ROS1: variants seen among roughly 807,000 people sequenced by gnomAD.
ROS1 encodes the protein proto-oncogene tyrosine-protein kinase ROS.
Under a neutral mutation model 273.5 loss-of-function variants are expected in ROS1, and 263 were observed. The observed-to-expected ratio is 0.96, with a 90% CI of 0.87 to 1.06. The LOEUF (loss-of-function observed/expected upper bound fraction) is 1.06, where lower values mean the gene tolerates loss of function less well. ROS1 is among the 50% of genes least tolerant of loss of function. The pLI, the probability that ROS1 is intolerant of heterozygous loss-of-function variation, is 0.00. For missense variants in ROS1, 2,833 were observed against 2,751.1 expected, an observed-to-expected ratio of 1.03 and a Z score of -0.67; for synonymous variants, 1,008 against 954.1, an observed-to-expected ratio of 1.06 and a Z score of -1.04.
At chr6:117,396,334 G>C in intron 8 of ROS1, 70 bp from the exon 9 acceptor site, 1 of 1,071,390 alleles carries the variant, frequency 9.3e-7, no homozygotes, top group Non-Finnish European at 1.4e-6. Context: ...AAAATAGAAG[G>C]AGCAATAACA....
At position 117,366,138 on chromosome 6, in the gene ROS1, A is replaced by C; in HGVS notation, c.2735T>G (p.Val912Gly). The change falls in exon 19 of 44, where the codon GTT becomes GGT. Residue 912 changes from valine (V) to glycine (G), a missense_variant. Physicochemically the swap from Val to Gly is moderately radical, Grantham distance 109 (BLOSUM62 -3). Coordinates refer to ENST00000368507, the MANE Select transcript of ROS1 (RefSeq NM_001378902.1). ...QEIGQKTSVSVLEPARFNQFT... is the reference protein window; with the variant it reads ...QEIGQKTSVSGLEPARFNQFT... ...CTGATTAAATCTGGCTGGTTCCAAA[A>C]CAGAGACACTGGTTTTCTGACCTAT... The C allele has an allele frequency of 1.2e-6, 2 of 1,614,154 alleles. No individual in the cohort carries two copies. The highest frequency in any genetic ancestry group is 1.7e-6 in the Non-Finnish European group (2 of 1,179,998).
At chr6:117,301,227 C>T in intron 42 of ROS1, 90 bp from the exon 43 acceptor site, 3 of 1,124,584 alleles carry the variant, frequency 2.7e-6, no homozygotes, top group Non-Finnish European at 3.8e-6. Context: ...AGGAAAGAAT[C>T]TGAGTTATTG....
At position 117,329,518 on chromosome 6, in the gene ROS1, A is replaced by G. The variant is rs563966411; in HGVS notation, c.5231-72T>C. On this transcript the variant is annotated intron_variant, in intron 32 of 43. Transcript: ENST00000368507. ...ATCTTCTGCACTGAAATCTTTCTAC[A>G]GAATATATTAAGAGGAAAGACAACA... The G allele has an allele frequency of 7.9e-6, 6 of 763,008 alleles. No homozygotes were observed. The South Asian group carries it at 1.0e-4, about 13-fold the overall frequency. 47.3% of individuals were successfully genotyped at this position (763,008 alleles called of 1,614,324 possible). A position where few individuals can be genotyped will look rare whatever the true frequency, so the allele number is the denominator to read the frequency against.
intron 18 of ROS1, among the ~76,000 whole-genome samples, chr6:117,369,917 A>G (rs1312662012): frequency 2.6e-5 from 4 of 152,202 alleles, no homozygotes; most frequent in Non-Finnish European, 5.9e-5. Context: ...GTGCATACAC[A>G]TATATATACA....
At chr6:117,378,164 A>C (rs1165253992) in intron 18 of ROS1, among the ~76,000 whole-genome samples, 3 of 152,126 alleles carry the variant, frequency 2.0e-5, no homozygotes, top group Non-Finnish European at 4.4e-5. Context: ...CAGCAATTCT[A>C]CTCCTAGGTA....
At position 117,356,654 on chromosome 6, in the gene ROS1, T is replaced by C; in HGVS notation, c.4101A>G (p.Arg1367=). Residue 1367 remains arginine, a synonymous_variant, in exon 26 of 44, where the codon AGA becomes AGG. Transcript: ENST00000368507. The part of the protein sequence containing the change: ...AMDLEGCQCW[R]VITVPAMLGK... ...CGAGCATAGCAGGTACTGTGATAAC[T>C]CTCCAACACTGACAGCCTTCCAGAT... 2.5e-6 allele frequency: 4 copies of C among 1,613,728 alleles called. No homozygotes were observed. Among genetic ancestry groups the C allele is most frequent in the Non-Finnish European group, 3.4e-6 (4 of 1,179,718 alleles).
At chr6:117,295,899 A>G (rs1774203530) in intron 43 of ROS1, among the ~76,000 whole-genome samples, 1 of 152,236 alleles carries the variant, frequency 6.6e-6, no homozygotes, top group South Asian at 2.1e-4. Flanking sequence ...GGGAATGTAA[A>G]TTAGTACAAC....
chr6:117,401,413 C>A (rs1773920847), intron 7 of ROS1, among the ~76,000 whole-genome samples: 2 of 152,190 alleles, frequency 1.3e-5, no homozygotes, highest in Admixed American at 1.3e-4. Flanking sequence ...GCGACCAAGT[C>A]TCTGGCTATG....
rs1040011127 is a variant in ROS1 at position 117,318,215 on chromosome 6, T to G, written c.5960A>C (p.Glu1987Ala). Residue 1987 changes from glutamate (E) to alanine (A), a missense_variant, in exon 38 of 44, where the codon GAA (glutamate) becomes GCA (alanine). Coordinates refer to ENST00000368507, the MANE Select transcript of ROS1 (RefSeq NM_001378902.1). ...CATCAGATGTGCCTCCTTCAGGAAT[T>G]CAATCTTCTCCTGGTCTGTGGAACC... Reference protein sequence around the residue: ...KKGSTDQEKIEFLKEAHLMSK... With the variant: ...KKGSTDQEKIAFLKEAHLMSK... The G allele has an allele frequency of 1.2e-6, 2 of 1,612,948 alleles. No homozygotes were observed. The highest frequency in any genetic ancestry group is 1.7e-6 in the Non-Finnish European group (2 of 1,179,312).
At chr6:117,292,200 G>T (rs931988235) in intron 43 of ROS1, among the ~76,000 whole-genome samples, 1 of 152,018 alleles carries the variant, frequency 6.6e-6, no homozygotes, top group Non-Finnish European at 1.5e-5. Context: ...TCGATCTTCT[G>T]ACCTTGTGAT....
chr6:117,351,094 T>G (rs1778818343), intron 27 of ROS1, among the ~76,000 whole-genome samples: 1 of 152,190 alleles, frequency 6.6e-6, no homozygotes, highest in Admixed American at 6.5e-5. Context: ...AAGCAACTGC[T>G]GTAAATGGGC....
At chr6:117,347,647 T>C (rs1411002918) in intron 27 of ROS1, among the ~76,000 whole-genome samples, 1 of 152,076 alleles carries the variant, frequency 6.6e-6, no homozygotes, top group African/African-American at 2.4e-5. Flanking sequence ...TTACCTTGTT[T>C]CTGATTTAGT....
chr6:117,326,412 T>G lies in ROS1; in HGVS notation c.5351A>C (p.Lys1784Thr). Residue 1784 changes from lysine to threonine, a missense_variant and splice_region_variant, in exon 34 of 44, where the codon AAG becomes ACG. Lys to Thr is a moderately conservative substitution (Grantham distance 78). Coordinates refer to ENST00000368507, the MANE Select transcript of ROS1 (RefSeq NM_001378902.1). ...RITYYILEIR[K>T]STSNNLQNQN... ...GTTCTGTAAATTATTTGAAGTGCTC[T>G]TTCTGCAAAAAATAATAAATACAGA... The G allele has an allele frequency of 6.6e-7, 1 of 1,517,636 alleles. No individual in the cohort carries two copies. The highest frequency in any genetic ancestry group is 8.8e-7 in the Non-Finnish European group (1 of 1,132,888). 94.0% of individuals were successfully genotyped at this position (1,517,636 alleles called of 1,614,324 possible).
intron 36 of ROS1, among the ~76,000 whole-genome samples, 196 bp from the exon 37 acceptor site, chr6:117,320,226 C>T (rs1016088198): frequency 1.6e-4 from 24 of 152,016 alleles, no homozygotes; most frequent in Admixed American, 5.3e-4. Context: ...AACCTTTTAC[C>T]CAGACAGAGC....
At chr6:117,379,321 G>A (rs1056647959) in intron 17 of ROS1, among the ~76,000 whole-genome samples, 162 bp from the exon 18 acceptor site, 1 of 152,006 alleles carries the variant, frequency 6.6e-6, no homozygotes, top group Non-Finnish European at 1.5e-5. Context: ...ATATGATTAT[G>A]CTTATTACTG....
intron 26 of ROS1, among the ~76,000 whole-genome samples, chr6:117,354,728 A>G (rs1779156554): frequency 6.6e-6 from 1 of 152,250 alleles, no homozygotes; most frequent in Admixed American, 6.5e-5. Flanking sequence ...TTATACATAT[A>G]TAATGGTCTA....
intron 4 of ROS1, among the ~76,000 whole-genome samples, chr6:117,410,378 G>A (rs996777827): frequency 3.9e-5 from 6 of 152,052 alleles, no homozygotes; most frequent in Admixed American, 2.6e-4. Context: ...GTCTTCCTTG[G>A]AAAATTAAAA....
chr6:117,408,021 T>A (rs1774563022), intron 5 of ROS1, among the ~76,000 whole-genome samples: 1 of 152,102 alleles, frequency 6.6e-6, no homozygotes, highest in African/African-American at 2.4e-5. Flanking sequence ...TGTAGAAAGC[T>A]GAAACTGGAT....
chr6:117,307,856 C>T (rs1216048091), intron 42 of ROS1, among the ~76,000 whole-genome samples: 2 of 152,128 alleles, frequency 1.3e-5, no homozygotes, highest in Non-Finnish European at 1.5e-5. Context: ...TGTGCATCCG[C>T]ATACTGCTAA....
Sources: gnomAD v4.1 joint callset for allele counts (sites outside exome capture counted in the v4.1 genomes callset) on GRCh38, gnomAD v4.1.1 for gene constraint, MANE v1.5 for transcripts, NCBI Gene and HGNC (gene_info 2026-07-23, HGNC 2026-07-21) for gene names.